Variants in EYA1 observed in about 807,000 individuals in gnomAD.
EYA1 encodes EYA transcriptional coactivator and phosphatase 1, also known as protein phosphatase EYA1.
EYA1 carries 16 observed loss-of-function variants against 82.0 expected under a neutral mutation model. The observed-to-expected ratio is 0.20, with a 90% CI of 0.13 to 0.30. EYA1 has a LOEUF of 0.30. EYA1 is among the 10% of genes least tolerant of loss of function. The pLI is 1.00. For synonymous variants in EYA1, 261 were observed against 264.4 expected, an observed-to-expected ratio of 0.99 and a Z score of 0.12; for missense variants, 633 against 730.7, an observed-to-expected ratio of 0.87 and a Z score of 1.54.
chr8:71,203,055 T>C (rs1362994072), intron 17 of EYA1, among the ~76,000 whole-genome samples: 1 of 152,184 alleles, frequency 6.6e-6, no homozygotes, highest in African/African-American at 2.4e-5. Flanking sequence ...ATTTCTTGTA[T>C]GAAATCGGAG....
At chr8:71,394,654 T>C (rs913882580) in intron 2 of EYA1, among the ~76,000 whole-genome samples, 2 of 152,168 alleles carry the variant, frequency 1.3e-5, no homozygotes, top group Non-Finnish European at 2.9e-5. Flanking sequence ...GGTCTATATA[T>C]CTGTTTTGGT....
intron 2 of EYA1, among the ~76,000 whole-genome samples, chr8:71,479,653 G>A (rs1484714248): frequency 6.9e-6 from 1 of 145,964 alleles, no homozygotes; most frequent in Non-Finnish European, 1.5e-5. Flanking sequence ...AGCCTCTCTG[G>A]ACTGGATATT....
chr8:71,254,590 C>A (rs2128921986), intron 11 of EYA1, among the ~76,000 whole-genome samples: 1 of 152,214 alleles, frequency 6.6e-6, no homozygotes, highest in African/African-American at 2.4e-5. Flanking sequence ...AAATAAAGCT[C>A]ATATATGAAA....
chr8:71,475,220 G>T (rs972512202), intron 2 of EYA1, among the ~76,000 whole-genome samples: 1 of 152,138 alleles, frequency 6.6e-6, no homozygotes, highest in African/African-American at 2.4e-5. Flanking sequence ...AAAAATCAAG[G>T]TATATAATAG....
At chr8:71,359,106 T>C (rs1827156370) in intron 1 of EYA1, among the ~76,000 whole-genome samples, 1 of 152,160 alleles carries the variant, frequency 6.6e-6, no homozygotes. Context: ...AGAATACCCA[T>C]AGTAGCATAT....
chr8:71,493,152 T>A (rs1811146113), intron 2 of EYA1, among the ~76,000 whole-genome samples: 1 of 152,240 alleles, frequency 6.6e-6, no homozygotes, highest in African/African-American at 2.4e-5. Flanking sequence ...ATTTTCTTTA[T>A]CTAGTCTACC....
At chr8:71,410,394 G>A (rs1830521921) in intron 2 of EYA1, among the ~76,000 whole-genome samples, 1 of 98,556 alleles carries the variant, frequency 1.0e-5, no homozygotes, top group Non-Finnish European at 2.2e-5. Flanking sequence ...TCAGGCAGGA[G>A]AAGGAAATAA....
chr8:71,421,162 C>G (rs1395014860), intron 2 of EYA1, among the ~76,000 whole-genome samples: 5 of 152,148 alleles, frequency 3.3e-5, no homozygotes, highest in Non-Finnish European at 1.5e-5. Flanking sequence ...TTGTTTTCAT[C>G]AGGGATAAAA....
intron 17 of EYA1, among the ~76,000 whole-genome samples, chr8:71,202,091 G>T (rs1488083026): frequency 6.6e-6 from 1 of 152,036 alleles, no homozygotes. Context: ...TTCAGAGCAG[G>T]TTCAGTCAAA....
chr8:71,540,958 A>C (rs1586914008), intron 1 of EYA1, among the ~76,000 whole-genome samples: 1 of 152,148 alleles, frequency 6.6e-6, no homozygotes, highest in African/African-American at 2.4e-5. Context: ...TTTCTAAGAA[A>C]ATTTACAAAC....
intron 11 of EYA1, among the ~76,000 whole-genome samples, chr8:71,257,739 T>C (rs1008049890): frequency 1.3e-5 from 2 of 152,200 alleles, no homozygotes; most frequent in African/African-American, 4.8e-5. Context: ...CACAAGATCA[T>C]CTCATACATT....
chr8:71,310,672 C>A (rs1344410692), intron 7 of EYA1, among the ~76,000 whole-genome samples: 1 of 152,120 alleles, frequency 6.6e-6, no homozygotes, highest in Non-Finnish European at 1.5e-5. Flanking sequence ...CATTGATGGG[C>A]ATTTAGGTTG....
chr8:71,536,656 C>T (rs1814737712), intron 1 of EYA1, among the ~76,000 whole-genome samples: 2 of 152,200 alleles, frequency 1.3e-5, no homozygotes, highest in Admixed American at 6.5e-5. Flanking sequence ...CTACCTCTCA[C>T]ATAAACACTA....
chr8:71,327,372 A>C (rs1404639599), intron 4 of EYA1, among the ~76,000 whole-genome samples: 6 of 152,222 alleles, frequency 3.9e-5, no homozygotes, highest in African/African-American at 7.2e-5. Context: ...TTCTATTTTC[A>C]ATTTTCAAAT....
At chr8:71,269,850 G>A (rs369019833) in intron 10 of EYA1, 27 bp from the exon 11 acceptor site, 1 of 1,576,258 alleles carries the variant, frequency 6.3e-7, no homozygotes, top group African/African-American at 1.3e-5. Flanking sequence ...AAATCAATGT[G>A]TCTTTGCCTT....
intron 2 of EYA1, among the ~76,000 whole-genome samples, chr8:71,520,798 T>G (rs1813341061): frequency 6.6e-6 from 1 of 152,110 alleles, no homozygotes; most frequent in African/African-American, 2.4e-5. Context: ...CTGTGACTTT[T>G]TTTACATTCA....
At chr8:71,266,469 T>A (rs1307472336) in intron 11 of EYA1, among the ~76,000 whole-genome samples, 1 of 152,086 alleles carries the variant, frequency 6.6e-6, no homozygotes, top group Admixed American at 6.5e-5. Context: ...AATGAGGAAA[T>A]CATTAAGTAG....
intron 2 of EYA1, among the ~76,000 whole-genome samples, chr8:71,492,979 C>T (rs993736447): frequency 2.0e-5 from 3 of 152,136 alleles, no homozygotes; most frequent in African/African-American, 7.2e-5. Context: ...ATGTTCTCAT[C>T]GTTTAGCTCC....
chr8:71,490,969 A>G (rs1810950012), intron 2 of EYA1, among the ~76,000 whole-genome samples: 1 of 152,208 alleles, frequency 6.6e-6, no homozygotes, highest in East Asian at 1.9e-4. Flanking sequence ...AAGATCATAT[A>G]AAGCAAGTCA....
Sources: allele counts gnomAD v4.1 joint callset (sites outside exome capture counted in the v4.1 genomes callset), GRCh38; gene constraint gnomAD v4.1.1; transcripts MANE v1.5; gene names NCBI Gene and HGNC (gene_info 2026-07-23, HGNC 2026-07-21).